The following WLS variants were observed in gnomAD, a reference collection of about 807,000 sequenced individuals.
WLS encodes Wnt ligand secretion mediator.
In WLS, 23 loss-of-function variants were observed where a neutral mutation model predicts 62.8. The observed-to-expected ratio is 0.37, with a 90% CI of 0.26 to 0.52. The LOEUF (loss-of-function observed/expected upper bound fraction) is 0.52. Among genes scored for constraint, WLS ranks in the 20% least tolerant of loss-of-function variants. The probability of loss-of-function intolerance (pLI) is 0.92; values close to 1 mark genes in which losing one functional copy is unlikely to be tolerated. For missense variants in WLS, 615 were observed against 697.3 expected, an observed-to-expected ratio of 0.88 and a Z score of 1.33; for synonymous variants, 246 against 244.1, an observed-to-expected ratio of 1.01 and a Z score of -0.07.
Position 68,148,572 on chromosome 1 carries a change from A to G in WLS, c.1061T>C (p.Met354Thr), listed in dbSNP as rs1646783265. Residue 354 changes from methionine (M) to threonine (T), a missense_variant, in exon 7 of 12, where the codon ATG (methionine) becomes ACG (threonine). By Grantham distance (81) the Met-to-Thr change is moderately conservative. Transcript: ENST00000262348. ...VGSFCLFIFD[M>T]CERGVQLTNP... ...ACAAACACTTGCTCACCTCTCACAC[A>G]TGTCAAATATGAAGAGGCAGAAGGA... is the stretch of plus-strand genomic sequence containing the variant. 1.2e-6 allele frequency: 2 copies of G among 1,614,000 alleles called. No homozygotes were observed. The highest frequency in any genetic ancestry group is 2.2e-5 in the East Asian group (1 of 44,884).
At chr1:68,158,961 G>A (rs573901184) in intron 3 of WLS, among the ~76,000 whole-genome samples, 162 bp downstream of exon 3, 1 of 152,266 alleles carries the variant, frequency 6.6e-6, no homozygotes, top group East Asian at 1.9e-4. Flanking sequence ...GTTAGGAAAG[G>A]CCCGTGGCAG....
chr1:68,226,048 A>G (rs1173075440), intron 1 of WLS, among the ~76,000 whole-genome samples: 6 of 152,200 alleles, frequency 3.9e-5, no homozygotes. Flanking sequence ...TCCTCCCCTC[A>G]GCCTTGGCAA....
intron 2 of WLS, among the ~76,000 whole-genome samples, chr1:68,170,805 T>C (rs1396139600): frequency 1.3e-5 from 2 of 151,954 alleles, no homozygotes; most frequent in African/African-American, 4.8e-5. Context: ...CTTATCCCCA[T>C]CTCTCTCCCT....
In WLS at chr1:68,100,232, G is replaced by A. The variant is rs973697834; in HGVS notation, c.1511-1479C>T. On this transcript the variant is annotated intron_variant, in intron 11 of 11. Coordinates refer to the WLS transcript ENST00000354777. ...TCACATATTAGTTGAGGATCCACAA[G>A]TTAGTTGAGGATCCTGGTCCCCTGG... Among the ~76,000 whole-genome samples the A allele has an allele frequency of 4.6e-5, 7 of 152,328 alleles. No individual in the cohort carries two copies. In the East Asian group the frequency reaches 9.6e-4, roughly 21 times the overall value.
At chr1:68,146,891 CTT>C (rs34797901) in intron 8 of WLS, among the ~76,000 whole-genome samples, 3 of 146,014 alleles carry the variant, frequency 2.1e-5, no homozygotes, top group Non-Finnish European at 4.5e-5. Flanking sequence ...CCCAAATTGC[CTT>C]TTTTTTTTTG....
intron 11 of WLS, among the ~76,000 whole-genome samples, chr1:68,127,903 G>T (rs1378817203): frequency 1.3e-5 from 2 of 152,104 alleles, no homozygotes; most frequent in African/African-American, 2.4e-5. Context: ...CTGCTTGGCT[G>T]GTTCCCTTCA....
intron 11 of WLS, among the ~76,000 whole-genome samples, chr1:68,135,400 T>G (rs1220093588): frequency 7.0e-6 from 1 of 143,008 alleles, no homozygotes; most frequent in East Asian, 2.2e-4. Context: ...TCCTCCAGCC[T>G]TGGCCTCCCA....
At chr1:68,206,086 A>G (rs936733449) in intron 1 of WLS, among the ~76,000 whole-genome samples, 1 of 152,186 alleles carries the variant, frequency 6.6e-6, no homozygotes, top group African/African-American at 2.4e-5. Flanking sequence ...GTTGATTCAC[A>G]TAGGATGTAA....
chr1:68,221,088 G>A (rs1316301315), intron 1 of WLS, among the ~76,000 whole-genome samples: 2 of 152,162 alleles, frequency 1.3e-5, no homozygotes, highest in Non-Finnish European at 2.9e-5. Context: ...AAAATCTTGA[G>A]CATTTACAAA....
chr1:68,193,725 T>A, intron 2 of WLS: 1 of 533,624 alleles, frequency 1.9e-6, no homozygotes, highest in Non-Finnish European at 3.3e-6. Flanking sequence ...ACCTCACTGG[T>A]GCCCAAGTGT....
rs544767216 is a variant in WLS at position 68,194,194 on chromosome 1, G to A, written c.140C>T (p.Ser47Leu). Residue 47 changes from serine to leucine, a missense_variant, in exon 2 of 12, where the codon TCG (serine) becomes TTG (leucine). Ser to Leu is a moderately radical substitution (Grantham distance 145). Transcript: ENST00000262348. ...PGPTTAVSYM[S>L]VKCVDARKNH... is the part of the protein sequence containing the mutation. ...CTTACGGGCATCCACACATTTCACC[G>A]ACATGTAGGACACTGCCGTTGTGGG... 1.2e-5 allele frequency: 20 copies of A among 1,614,158 alleles called. No homozygotes were observed. Among genetic ancestry groups the A allele is most frequent in the East Asian group, 2.2e-5 (1 of 44,878 alleles).
In WLS at chr1:68,160,471, G is replaced by T. The variant is rs1339194162; in HGVS notation, c.380-1224C>A. Among the ~76,000 whole-genome samples the T allele has an allele frequency of 2.6e-5, 4 of 152,172 alleles. No individual in the cohort carries two copies. The East Asian group carries it at 5.8e-4, about 22-fold the overall frequency. On this transcript the variant is annotated intron_variant, in intron 2 of 11. Transcript: ENST00000262348. ...AGTCTGGTTATGGAATAGGCAGATA[G>T]AACCCTGTAGTAACAAGAGTTGGAA...
At chr1:68,164,446 C>T (rs1409013038) in intron 2 of WLS, among the ~76,000 whole-genome samples, 1 of 152,032 alleles carries the variant, frequency 6.6e-6, no homozygotes, top group Non-Finnish European at 1.5e-5. Context: ...TTAGCAGAGT[C>T]AGGGTTTATC....
intron 1 of WLS, among the ~76,000 whole-genome samples, chr1:68,225,473 A>T (rs1317844506): frequency 6.6e-6 from 1 of 152,184 alleles, no homozygotes; most frequent in Non-Finnish European, 1.5e-5. Flanking sequence ...ACCTAAATGA[A>T]ATAGTCGTGA....
chr1:68,125,296 C>T (rs1646412544), downstream of WLS: 1 of 981,300 alleles, frequency 1.0e-6, no homozygotes. Flanking sequence ...TTTCAGAAAC[C>T]TATTTCCCCC....
At chr1:68,148,729 A>G (rs1646786192) in intron 6 of WLS, 69 bp from the exon 7 acceptor site, 16 of 1,442,732 alleles carry the variant, frequency 1.1e-5, no homozygotes, top group Middle Eastern at 1.9e-4. Context: ...TGGGGGAGTC[A>G]GCATTCGAAG....
intron 1 of WLS, among the ~76,000 whole-genome samples, chr1:68,221,708 A>G (rs914853621): frequency 1.1e-4 from 16 of 152,228 alleles, no homozygotes; most frequent in Non-Finnish European, 1.9e-4. Flanking sequence ...CCTGAAGGCA[A>G]GCTTGTTAAA....
At chr1:68,113,199 T>C (rs527787619) in intron 11 of WLS, among the ~76,000 whole-genome samples, 5 of 152,328 alleles carry the variant, frequency 3.3e-5, no homozygotes, top group African/African-American at 9.6e-5. Context: ...CGTAAAAATA[T>C]CCGTATCCTT....
At chr1:68,127,182 A>G (rs1314010804) in intron 11 of WLS, 1 of 276,274 alleles carries the variant, frequency 3.6e-6, no homozygotes, top group Admixed American at 4.9e-5. Flanking sequence ...TGACAGAGTA[A>G]GACTTTGACT....
Sources: gnomAD v4.1 joint callset for allele counts (sites outside exome capture counted in the v4.1 genomes callset) on GRCh38, gnomAD v4.1.1 for gene constraint, MANE v1.5 for transcripts, NCBI Gene and HGNC (gene_info 2026-07-23, HGNC 2026-07-21) for gene names.